Variants in PISD observed in about 807,000 individuals in gnomAD.
PISD encodes the protein phosphatidylserine decarboxylase proenzyme, mitochondrial.
Under a neutral mutation model 43.5 loss-of-function variants are expected in PISD, and 31 were observed. That is an observed-to-expected ratio of 0.71 (90% confidence interval 0.54 to 0.96). The LOEUF (loss-of-function observed/expected upper bound fraction) is 0.96. Ranked by LOEUF, PISD falls within the 40% of genes least tolerant of loss-of-function variation. The probability of loss-of-function intolerance (pLI) is 0.00; values close to 1 mark genes in which losing one functional copy is unlikely to be tolerated. For missense variants in PISD, 523 were observed against 548.4 expected (o/e 0.95, Z 0.46); for synonymous variants, 259 against 228.7 (o/e 1.13, Z -1.20).
chr22:31,621,351 T>G lies in PISD; in HGVS notation c.680A>C (p.Asp227Ala). The change falls in exon 5 of 8, where the codon GAC becomes GCC. Residue 227 changes from aspartate (D) to alanine (A), a missense_variant. By Grantham distance (126) the Asp-to-Ala change is moderately radical. Transcript: ENST00000439502. The part of the protein sequence containing the change: ...SFLGPRMCTE[D>A]LPFPPAASCD... ...TGACCCACCTGGTGGGAAGGGCAGG[T>G]CCTCTGTGCACATACGCGGGCCCAG... 1 of 1,613,988 alleles carries G rather than the reference T, an allele frequency of 6.2e-7. No individual in the cohort carries two copies. The highest frequency in any genetic ancestry group is 8.5e-7 in the Non-Finnish European group (1 of 1,180,000).
chr22:31,621,381 G>A lies in PISD; in HGVS notation c.650C>T (p.Ser217Leu), dbSNP rs748151520. 2.1e-5 allele frequency: 34 copies of A among 1,613,964 alleles called. No homozygotes were observed. Among genetic ancestry groups the A allele is most frequent in the Admixed American group, 5.0e-5 (3 of 60,006 alleles). Residue 217 changes from serine to leucine, a missense_variant, in exon 5 of 8, where the codon TCG (serine) becomes TTG (leucine). Physicochemically the swap from Ser to Leu is moderately radical, Grantham distance 145. Transcript: ENST00000439502. ...TGTGCACATACGCGGGCCCAGGAAC[G>A]ACTCCAGGGAGTAGGTGACCCCCTT... The part of the protein sequence containing the change: ...QVKGVTYSLE[S>L]FLGPRMCTED...
At chr22:31,646,609 C>T (rs921890157) in intron 3 of PISD, among the ~76,000 whole-genome samples, 6 of 152,180 alleles carry the variant, frequency 3.9e-5, no homozygotes, top group Non-Finnish European at 8.8e-5. Flanking sequence ...AAGCTCATCA[C>T]AGGGTGAGTC....
intron 3 of PISD, among the ~76,000 whole-genome samples, chr22:31,639,909 A>G (rs2073638673): frequency 1.3e-5 from 2 of 152,186 alleles, no homozygotes; most frequent in Non-Finnish European, 2.9e-5. Flanking sequence ...TTCCCAGGAC[A>G]TCATGAGTTC....
At chr22:31,635,596 TG>T (rs1988127636) in intron 3 of PISD, among the ~76,000 whole-genome samples, 4 of 152,184 alleles carry the variant, frequency 2.6e-5, no homozygotes. Flanking sequence ...CATGCCCCGC[TG>T]AGTTCCACAT....
At chr22:31,643,325 G>A (rs62237857) in intron 3 of PISD, among the ~76,000 whole-genome samples, 8,380 of 152,134 alleles carry the variant, frequency 0.055, 211 homozygotes, top group Non-Finnish European at 0.065. Context: ...AATAGAGAAA[G>A]GATAATCTTT....
In PISD at chr22:31,650,695, T is replaced by C; in HGVS notation, c.145+4A>G. 2.6e-6 allele frequency: 4 copies of C among 1,533,598 alleles called. No individual in the cohort carries two copies. The highest frequency in any genetic ancestry group is 3.9e-5 in the Admixed American group (2 of 50,992). The allele number at this position is 1,533,598 out of a possible 1,614,324, so 95.0% of individuals were successfully genotyped here. ...GGTCACCACCATCTCTAATTGCTCC[T>C]TACCTGTGCGAAAGGCTCTAAAAGG... On this transcript the variant is annotated splice_donor_region_variant and intron_variant, in intron 2 of 7. Transcript: ENST00000439502.
intron 7 of PISD, 125 bp downstream of exon 7, chr22:31,620,428 C>G (rs1218484744): frequency 4.3e-6 from 4 of 928,160 alleles, no homozygotes; most frequent in Non-Finnish European, 4.9e-6. Context: ...TCAGCAGAGC[C>G]AGGCCTGACC....
intron 3 of PISD, among the ~76,000 whole-genome samples, chr22:31,640,564 T>A (rs1482470320): frequency 7.0e-5 from 10 of 143,266 alleles, no homozygotes; most frequent in Non-Finnish European, 1.0e-4. Flanking sequence ...CCTTTTTGTT[T>A]CGGTTTGGTT....
At chr22:31,645,967 A>ATATTG (rs1010358855) in intron 3 of PISD, among the ~76,000 whole-genome samples, 1 of 152,086 alleles carries the variant, frequency 6.6e-6, no homozygotes, top group Non-Finnish European at 1.5e-5. Context: ...ATATATACAA[A>ATATTG]TATTGAAAAA....
intron 1 of PISD, among the ~76,000 whole-genome samples, chr22:31,651,378 G>T (rs2074024712): frequency 6.6e-6 from 1 of 152,224 alleles, no homozygotes; most frequent in African/African-American, 2.4e-5. Context: ...GATGGAAGAT[G>T]ATAAAGCAAA....
At chr22:31,653,252 C>A (rs893649466) in intron 1 of PISD, among the ~76,000 whole-genome samples, 1 of 152,108 alleles carries the variant, frequency 6.6e-6, no homozygotes, top group Non-Finnish European at 1.5e-5. Context: ...ATTTCTTAGA[C>A]TGGATACTCC....
rs745472048 is a variant in PISD, at chr22:31,621,428, C to A, written c.603G>T (p.Lys201Asn). Residue 201 changes from lysine to asparagine, a missense_variant, in exon 5 of 8, where the codon AAG becomes AAT. Physicochemically the swap from Lys to Asn is moderately conservative, Grantham distance 94. Coordinates refer to ENST00000439502, the MANE Select transcript of PISD (RefSeq NM_001326411.2). The part of the protein sequence containing the change: ...DGRILNFGQV[K>N]NCEVEQVKGV... ...CCTTTACCTGCTCCACCTCACAGTT[C>A]TTCACCTGCCCAAAGTTGAGGATCC... 1.2e-6 allele frequency: 2 copies of A among 1,614,162 alleles called. No homozygotes were observed. Among genetic ancestry groups the A allele is most frequent in the Non-Finnish European group, 1.7e-6 (2 of 1,180,018 alleles).
rs546083311 is a variant in PISD, at chr22:31,653,741, G to A, written c.66-2963C>T. On this transcript the variant is annotated intron_variant, in intron 1 of 7. Transcript: ENST00000439502. Reference sequence around the variant, plus strand: ...CTCATGACTGTAATTCCAGCACTTTGGGAGGCCAAGGCGGGTGGATCACTT... The same window carrying A: ...CTCATGACTGTAATTCCAGCACTTTAGGAGGCCAAGGCGGGTGGATCACTT... Among the ~76,000 whole-genome samples, 6 of 152,298 alleles carry A rather than the reference G, an allele frequency of 3.9e-5. No individual in the cohort carries two copies. In the East Asian group the frequency reaches 1.2e-3, roughly 29 times the overall value.
At chr22:31,622,939 G>A (rs568290948) in intron 3 of PISD, among the ~76,000 whole-genome samples, 21 of 152,332 alleles carry the variant, frequency 1.4e-4, no homozygotes, top group African/African-American at 5.1e-4. Context: ...CCTCTCCAAG[G>A]TAAGGTAAGC....
At position 31,619,685 on chromosome 22, in the gene PISD, G is replaced by A. The variant is rs368767591; in HGVS notation, c.1157C>T (p.Ala386Val). ...CAGCTGGAAATTGAAGTCCTTGGGG[G>A]CCTCGAAGATGAGCACGATGGTGGA... ...LGSTIVLIFE[A>V]PKDFNFQLKT... is the part of the protein sequence containing the mutation. The change falls in exon 8 of 8, where the codon GCC (alanine) becomes GTC (valine). Residue 386 changes from alanine (A) to valine (V), a missense_variant. By Grantham distance (64) the Ala-to-Val change is moderately conservative. Transcript: ENST00000439502. 4.2e-5 allele frequency: 67 copies of A among 1,614,096 alleles called. No homozygotes were observed. Among genetic ancestry groups the A allele is most frequent in the Non-Finnish European group, 5.3e-5 (63 of 1,180,030 alleles).
chr22:31,646,289 A>G (rs1273446946), intron 3 of PISD, among the ~76,000 whole-genome samples: 2 of 152,118 alleles, frequency 1.3e-5, no homozygotes, highest in African/African-American at 4.8e-5. Flanking sequence ...TTCAATCAAG[A>G]AGAGTATCTA....
At chr22:31,653,917 GA>G (rs2074100670) in intron 1 of PISD, among the ~76,000 whole-genome samples, 1 of 152,152 alleles carries the variant, frequency 6.6e-6, no homozygotes, top group Non-Finnish European at 1.5e-5. Flanking sequence ...GGATCGTCCC[GA>G]TTTTCATATG....
At chr22:31,643,882 A>C (rs1362114033) in intron 3 of PISD, among the ~76,000 whole-genome samples, 1 of 152,112 alleles carries the variant, frequency 6.6e-6, no homozygotes, top group Non-Finnish European at 1.5e-5. Context: ...CCCCGTCTCT[A>C]CTAAAAATAC....
Position 31,621,698 on chromosome 22 carries a change from C to T in PISD, c.509G>A (p.Arg170Gln), listed in dbSNP as rs781775700. ...CCGGGCCTGCGGCTTCAGCTTGCGC[C>T]GGAAGAACTCGCTGAGGTTGCGGTA... ...HHYRNLSEFFRRKLKPQARPV... is the reference protein window; with the variant it reads ...HHYRNLSEFFQRKLKPQARPV... Residue 170 changes from arginine to glutamine, a missense_variant, in exon 4 of 8, where the codon CGG (arginine) becomes CAG (glutamine). By Grantham distance (43) the Arg-to-Gln change is conservative. Transcript: ENST00000439502. 16 of 1,613,886 alleles carry T rather than the reference C, an allele frequency of 9.9e-6. No homozygotes were observed. The Admixed American group carries it at 1.7e-4, about 17-fold the overall frequency.
Sources: allele counts gnomAD v4.1 joint callset (sites outside exome capture counted in the v4.1 genomes callset), GRCh38; gene constraint gnomAD v4.1.1; transcripts MANE v1.5; gene names NCBI Gene and HGNC (gene_info 2026-07-23, HGNC 2026-07-21).